The following CSRP3 variants were observed in gnomAD, a reference collection of about 807,000 sequenced individuals.
CSRP3 encodes cysteine and glycine-rich protein 3.
A neutral mutation model predicts 24.3 loss-of-function variants in CSRP3; 24 were observed. That is an observed-to-expected ratio of 0.99 (90% CI 0.71 to 1.39). The LOEUF is 1.39. Ranked by LOEUF, CSRP3 falls within the 40% of genes most tolerant of loss-of-function variation. The pLI is 0.00. For missense variants in CSRP3, 240 were observed against 249.0 expected (o/e 0.96, Z 0.24); for synonymous variants, 105 against 94.0 (o/e 1.12, Z -0.68).
rs1850562665 is a variant in CSRP3, at chr11:19,188,305, C to T, written c.113-1G>A. 1.9e-6 allele frequency: 3 copies of T among 1,612,252 alleles called. No homozygotes were observed. The highest frequency in any genetic ancestry group is 2.5e-6 in the Non-Finnish European group (3 of 1,180,024). ...CTGTCAAGAGCCTTCCTGCAGGCCA[C>T]TGCCAGGAAAAGGAAGGGTCATGGG... On this transcript the variant is annotated splice_acceptor_variant, in intron 2 of 5. Transcript: ENST00000265968. LOFTEE classifies it high-confidence loss of function.
At chr11:19,183,542 C>T (rs1001018017) in intron 5 of CSRP3, among the ~76,000 whole-genome samples, 9 of 152,202 alleles carry the variant, frequency 5.9e-5, no homozygotes, top group African/African-American at 1.7e-4. Flanking sequence ...GGTTCCTCTC[C>T]TCTTTTTAGG....
In CSRP3 at chr11:19,191,693, G is replaced by A. The variant is rs142863245; in HGVS notation, c.112+644C>T. On this transcript the variant is annotated intron_variant, in intron 2 of 5. Transcript: ENST00000265968. Reference sequence around the variant, plus strand: ...GAGTCAGGCAGGACCAGACTCACAAGGTCTCAAGGTTCTCAAGGTTCTCAA... The same window carrying A: ...GAGTCAGGCAGGACCAGACTCACAAAGTCTCAAGGTTCTCAAGGTTCTCAA... 7.2e-3 allele frequency among the ~76,000 whole-genome samples: 1,098 copies of A among 152,256 alleles called. 14 individuals carry two copies. Among genetic ancestry groups the A allele is most frequent in the African/African-American group, 0.024 (993 of 41,538 alleles).
intron 1 of CSRP3, among the ~76,000 whole-genome samples, chr11:19,195,383 T>G (rs1322918537): frequency 1.1e-4 from 16 of 152,190 alleles, no homozygotes; most frequent in Non-Finnish European, 2.4e-4. Context: ...GCCAACTTCT[T>G]TTTATACAAT....
rs963247787 is a variant in CSRP3 at position 19,182,591 on chromosome 11, G to T, written c.*79C>A. Reference sequence around the variant, plus strand: ...TACGACTACAAAGGAGAGGCTATTTGGGGAAAGGTATCGATCTGTGCAGGA... The same window carrying T: ...TACGACTACAAAGGAGAGGCTATTTTGGGAAAGGTATCGATCTGTGCAGGA... On this transcript the variant is annotated 3_prime_UTR_variant, in exon 6 of 6. Coordinates refer to ENST00000265968, the MANE Select transcript of CSRP3 (RefSeq NM_003476.5). The T allele has an allele frequency of 3.5e-6, 4 of 1,145,134 alleles. No individual in the cohort carries two copies. The African/African-American group carries it at 4.6e-5, about 13-fold the overall frequency. The allele number at this position is 1,145,134 out of a possible 1,614,324, so 70.9% of individuals were successfully genotyped here.
intron 2 of CSRP3, among the ~76,000 whole-genome samples, chr11:19,190,514 T>A (rs2133514040): frequency 6.6e-6 from 1 of 152,396 alleles, no homozygotes; most frequent in East Asian, 1.9e-4. Context: ...CATCTGTTTA[T>A]TTGTACCATT....
At chr11:19,201,374 A>G (rs188473407) in intron 1 of CSRP3, among the ~76,000 whole-genome samples, 2 of 152,356 alleles carry the variant, frequency 1.3e-5, no homozygotes, top group African/African-American at 4.8e-5. Context: ...ATTCACCACG[A>G]CCTTTTGAAT....
intron 1 of CSRP3, chr11:19,196,631 A>G (rs1351021923): frequency 1.3e-5 from 2 of 152,194 alleles, no homozygotes; most frequent in African/African-American, 2.4e-5. Context: ...GGGATGGGCC[A>G]TTTGTTTATC....
intron 1 of CSRP3, among the ~76,000 whole-genome samples, chr11:19,200,369 A>G (rs1202998230): frequency 6.6e-6 from 1 of 152,198 alleles, no homozygotes; most frequent in East Asian, 1.9e-4. Flanking sequence ...CTGAGTTTCT[A>G]TTCTATCAAG....
intron 1 of CSRP3, among the ~76,000 whole-genome samples, chr11:19,197,610 T>A (rs919506691): frequency 6.8e-6 from 1 of 147,080 alleles, no homozygotes; most frequent in African/African-American, 2.5e-5. Flanking sequence ...TGAGCAATGA[T>A]GAGTTAGGGC....
intron 2 of CSRP3, among the ~76,000 whole-genome samples, 199 bp downstream of exon 2, chr11:19,192,138 C>T (rs563033501): frequency 6.6e-6 from 1 of 152,116 alleles, no homozygotes; most frequent in African/African-American, 2.4e-5. Flanking sequence ...GCAGTTGAAG[C>T]AAGGGTATTC....
intron 2 of CSRP3, among the ~76,000 whole-genome samples, chr11:19,189,775 T>G (rs113794188): frequency 1.3e-5 from 2 of 152,214 alleles, no homozygotes; most frequent in African/African-American, 4.8e-5. Flanking sequence ...AAAAAAAGTT[T>G]AAATCAGTAA....
intron 5 of CSRP3, among the ~76,000 whole-genome samples, chr11:19,184,531 A>T (rs1212312857): frequency 2.0e-5 from 3 of 152,164 alleles, no homozygotes; most frequent in Admixed American, 6.5e-5. Flanking sequence ...GTGAGGCCAA[A>T]CTGAGTTCAC....
At chr11:19,187,269 C>G (rs1850542131) in intron 3 of CSRP3, among the ~76,000 whole-genome samples, 1 of 152,234 alleles carries the variant, frequency 6.6e-6, no homozygotes. Flanking sequence ...ACTAATCACA[C>G]ATCTCTCCAC....
At position 19,184,937 on chromosome 11, in the gene CSRP3, T is replaced by G; in HGVS notation, c.508+15A>C. On this transcript the variant is annotated intron_variant, in intron 5 of 5. Transcript: ENST00000265968. ...AGGGAAAACATATTTCAAGAAAGTCTCCAGAATCACTCACCTTTGCAATAA... is the reference window on the plus strand; with the variant it reads ...AGGGAAAACATATTTCAAGAAAGTCGCCAGAATCACTCACCTTTGCAATAA... The G allele has an allele frequency of 6.3e-7, 1 of 1,589,182 alleles. No homozygotes were observed. Among genetic ancestry groups the G allele is most frequent in the Non-Finnish European group, 8.6e-7 (1 of 1,157,056 alleles).
chr11:19,188,340 G>A, intron 2 of CSRP3, 36 bp from the exon 3 acceptor site: 1 of 1,607,890 alleles, frequency 6.2e-7, no homozygotes. Flanking sequence ...GATTGGAATT[G>A]AAATCCTTCT....
intron 5 of CSRP3, 105 bp downstream of exon 5, chr11:19,184,847 A>G: frequency 1.1e-6 from 1 of 875,570 alleles, no homozygotes. Flanking sequence ...GAGCAGCCAT[A>G]CCTCCTGGAA....
chr11:19,197,522 T>TCTTC (rs1376599116), intron 1 of CSRP3, among the ~76,000 whole-genome samples: 6 of 124,418 alleles, frequency 4.8e-5, no homozygotes, highest in East Asian at 2.4e-4. Context: ...TTTCTTTCTT[T>TCTTC]CTTTCTTTCT....
At chr11:19,199,561 C>T (rs1175374584) in intron 1 of CSRP3, among the ~76,000 whole-genome samples, 1 of 152,226 alleles carries the variant, frequency 6.6e-6, no homozygotes, top group Non-Finnish European at 1.5e-5. Flanking sequence ...CAGTTTACCT[C>T]CTGGCTCTGC....
intron 2 of CSRP3, 99 bp from the exon 3 acceptor site, chr11:19,188,403 G>A (rs953149301): frequency 1.8e-5 from 24 of 1,301,010 alleles, no homozygotes; most frequent in African/African-American, 7.3e-5. Context: ...CCAGCATGAG[G>A]GGCCCCTGAG....
Sources: gnomAD v4.1 joint callset for allele counts (sites outside exome capture counted in the v4.1 genomes callset) on GRCh38, gnomAD v4.1.1 for gene constraint, MANE v1.5 for transcripts, NCBI Gene and HGNC (gene_info 2026-07-23, HGNC 2026-07-21) for gene names.